Variants in PSMB2 observed in about 807,000 individuals in gnomAD.
PSMB2 encodes the protein proteasome subunit beta type-2.
Under a neutral mutation model 25.7 loss-of-function variants are expected in PSMB2, and 13 were observed. The observed-to-expected ratio is 0.51, with a 90% CI of 0.33 to 0.80. PSMB2 has a LOEUF of 0.80. Ranked by LOEUF, PSMB2 falls within the 30% of genes least tolerant of loss-of-function variation. PSMB2 has a pLI of 0.02. For synonymous variants in PSMB2, 87 were observed against 96.2 expected (o/e 0.90, Z 0.56); for missense variants, 202 against 259.0 (o/e 0.78, Z 1.51).
At position 35,604,186 on chromosome 1, in the gene PSMB2, A is replaced by G. The variant is rs138671430; in HGVS notation, c.499-812T>C. Reference sequence around the variant, plus strand: ...TCAAGTTCATCCTTAAGCCACAGGAACAGTAAAAGAATGAAAAAAACTAAT... The same window carrying G: ...TCAAGTTCATCCTTAAGCCACAGGAGCAGTAAAAGAATGAAAAAAACTAAT... On this transcript the variant is annotated intron_variant, in intron 5 of 5. Coordinates refer to ENST00000373237, the MANE Select transcript of PSMB2 (RefSeq NM_002794.5). Among the ~76,000 whole-genome samples the G allele has an allele frequency of 9.1e-4, 139 of 152,308 alleles. 1 individual carries two copies. The Middle Eastern group carries it at 0.014, about 15-fold the overall frequency.
chr1:35,628,596 A>AAAAAAAAAAATATAT (rs59538661), intron 3 of PSMB2, among the ~76,000 whole-genome samples: 1 of 25,108 alleles, frequency 4.0e-5, no homozygotes, highest in Non-Finnish European at 7.6e-5. Context: ...AAAAAAAAAA[A>AAAAAAAAAAATATAT]ATATATATAT....
chr1:35,638,836 G>A (rs771733728), intron 1 of PSMB2, among the ~76,000 whole-genome samples: 4 of 152,198 alleles, frequency 2.6e-5, no homozygotes, highest in Non-Finnish European at 4.4e-5. Context: ...TGACATACTG[G>A]ACAATTGATT....
At chr1:35,614,829 C>G (rs1650447797) in intron 3 of PSMB2, among the ~76,000 whole-genome samples, 1 of 152,200 alleles carries the variant, frequency 6.6e-6, no homozygotes, top group Non-Finnish European at 1.5e-5. Context: ...TGAGGTACCA[C>G]CAAAATTTTG....
At chr1:35,615,570 G>A (rs574597995) in intron 3 of PSMB2, among the ~76,000 whole-genome samples, 58 of 152,172 alleles carry the variant, frequency 3.8e-4, no homozygotes, top group Non-Finnish European at 6.2e-4. Flanking sequence ...CAAAATCAGC[G>A]ACAAGAGTCT....
At position 35,601,981 on chromosome 1, in the gene PSMB2, T is replaced by C. The variant is rs1008636312; in HGVS notation, c.*1286A>G. The C allele has an allele frequency of 1.1e-5, 10 of 885,048 alleles. No individual in the cohort carries two copies. The highest frequency in any genetic ancestry group is 5.2e-5 in the South Asian group (1 of 19,216). The allele number at this position is 885,048 out of a possible 1,614,324, so 54.8% of individuals were successfully genotyped here. A position where few individuals can be genotyped will look rare whatever the true frequency, so the allele number is the denominator to read the frequency against. On this transcript the variant is annotated 3_prime_UTR_variant, in exon 6 of 6. Coordinates refer to ENST00000373237, the MANE Select transcript of PSMB2 (RefSeq NM_002794.5). ...ACAAGAATAAGCATATCTATATGTA[T>C]TGATATAAAACAATCTCTAATATAG...
chr1:35,627,229 C>T (rs1650891749), intron 3 of PSMB2, among the ~76,000 whole-genome samples: 1 of 139,166 alleles, frequency 7.2e-6, no homozygotes, highest in Non-Finnish European at 1.5e-5. Context: ...ACTGTGCCAC[C>T]TCTTAGGTGA....
intron 3 of PSMB2, among the ~76,000 whole-genome samples, chr1:35,622,245 G>A (rs1046788235): frequency 3.7e-4 from 57 of 152,032 alleles, no homozygotes; most frequent in Admixed American, 1.8e-3. Flanking sequence ...GTAAAAAGAG[G>A]CACCAAGATG....
At chr1:35,623,418 G>A (rs1263119923) in intron 3 of PSMB2, among the ~76,000 whole-genome samples, 1 of 152,182 alleles carries the variant, frequency 6.6e-6, no homozygotes, top group Non-Finnish European at 1.5e-5. Context: ...AAGGGCTGCT[G>A]CTTGCACTGA....
chr1:35,632,926 T>A (rs116764019), intron 2 of PSMB2, among the ~76,000 whole-genome samples: 2,273 of 149,990 alleles, frequency 0.015, 54 homozygotes, highest in African/African-American at 0.053. Flanking sequence ...AATAATAATT[T>A]AAAAAAAGAG....
At chr1:35,604,317 G>A (rs1357055851) in intron 5 of PSMB2, among the ~76,000 whole-genome samples, 9 of 152,062 alleles carry the variant, frequency 5.9e-5, no homozygotes, top group African/African-American at 1.2e-4. Context: ...TCCTGTCCTC[G>A]CAAGCCAAAG....
chr1:35,626,903 T>G (rs1486214944), intron 3 of PSMB2, among the ~76,000 whole-genome samples: 1 of 152,190 alleles, frequency 6.6e-6, no homozygotes, highest in Non-Finnish European at 1.5e-5. Flanking sequence ...AACAGAATTT[T>G]TTTTTTTAAG....
intron 3 of PSMB2, among the ~76,000 whole-genome samples, chr1:35,612,194 G>A (rs544654474): frequency 2.6e-5 from 4 of 152,122 alleles, no homozygotes; most frequent in East Asian, 1.9e-4. Context: ...AGTAGCGTGC[G>A]GCACTCTGCC....
Position 35,609,255 on chromosome 1 carries a change from A to G in PSMB2, c.439T>C (p.Tyr147His), listed in dbSNP as rs1650260734. ...GAGTATTAATACTTACTCGGTGTGT[A>G]GTATCGGTCGAGGATACTGAGAGTC... ...FLTLSILDRY[Y>H]TPTISRERAV... Residue 147 changes from tyrosine to histidine, a missense_variant, in exon 4 of 6, where the codon TAC becomes CAC. Physicochemically the swap from Tyr to His is moderately conservative, Grantham distance 83. Coordinates refer to ENST00000373237, the MANE Select transcript of PSMB2 (RefSeq NM_002794.5). 6.2e-7 allele frequency: 1 copy of G among 1,604,064 alleles called. No homozygotes were observed. Among genetic ancestry groups the G allele is most frequent in the African/African-American group, 1.3e-5 (1 of 74,514 alleles).
intron 3 of PSMB2, among the ~76,000 whole-genome samples, chr1:35,629,985 G>A (rs1651043535): frequency 6.6e-6 from 1 of 151,978 alleles, no homozygotes; most frequent in Admixed American, 6.6e-5. Context: ...CCTGACACCT[G>A]ACCAACATGG....
At chr1:35,614,133 G>A (rs760391048) in intron 3 of PSMB2, among the ~76,000 whole-genome samples, 7 of 152,170 alleles carry the variant, frequency 4.6e-5, no homozygotes, top group Non-Finnish European at 8.8e-5. Context: ...TAGGGTAATG[G>A]TGTTCAGTGT....
rs1218740875 is a variant in PSMB2, at chr1:35,629,806, G to A, written c.285+1468C>T. ...GCCTGGGCAACTGGAGTGAGACCCC[G>A]TCTCAAAAAAAAAAAGAAAAAAGAA... On this transcript the variant is annotated intron_variant, in intron 3 of 5. Transcript: ENST00000373237. Among the ~76,000 whole-genome samples the A allele has an allele frequency of 6.7e-5, 10 of 148,592 alleles. No homozygotes were observed. In the South Asian group the frequency reaches 1.1e-3, roughly 16 times the overall value.
chr1:35,603,433 G>T, intron 5 of PSMB2, 59 bp from the exon 6 acceptor site: 1 of 1,587,180 alleles, frequency 6.3e-7, no homozygotes, highest in Non-Finnish European at 8.6e-7. Context: ...TATGTGCCAG[G>T]CTCTGTTCTA....
chr1:35,603,240 C>T lies in PSMB2; in HGVS notation c.*27G>A. 6.3e-7 allele frequency: 1 copy of T among 1,598,916 alleles called. No homozygotes were observed. Among genetic ancestry groups the T allele is most frequent in the Non-Finnish European group, 8.5e-7 (1 of 1,176,060 alleles). ...AAGGAGCCCATCAAAAAAAAGTTCCCTGGCAAGTGGGAGGGAGGACATGAT... is the reference window on the plus strand; with the variant it reads ...AAGGAGCCCATCAAAAAAAAGTTCCTTGGCAAGTGGGAGGGAGGACATGAT... On this transcript the variant is annotated 3_prime_UTR_variant, in exon 6 of 6. Transcript: ENST00000373237.
intron 3 of PSMB2, among the ~76,000 whole-genome samples, chr1:35,625,059 T>C (rs1448468624): frequency 2.6e-5 from 1 of 37,878 alleles, no homozygotes; most frequent in Admixed American, 4.2e-4. Flanking sequence ...AAACTCCACC[T>C]CAAAAAAAAA....
Sources: allele counts gnomAD v4.1 joint callset (sites outside exome capture counted in the v4.1 genomes callset), GRCh38; gene constraint gnomAD v4.1.1; transcripts MANE v1.5; gene names NCBI Gene and HGNC (gene_info 2026-07-23, HGNC 2026-07-21).